CPNE8: variants seen among roughly 807,000 people sequenced by gnomAD.
CPNE8 encodes the protein copine-8.
A neutral mutation model predicts 81.5 loss-of-function variants in CPNE8; 45 were observed. The ratio of observed to expected loss-of-function variants is 0.55; its 90% confidence interval spans 0.44 to 0.71. The LOEUF is 0.71. CPNE8 is among the 30% of genes least tolerant of loss of function. The pLI, the probability that CPNE8 is intolerant of heterozygous loss-of-function variation, is 0.00. For missense variants in CPNE8, 594 were observed against 672.1 expected (o/e 0.88, Z 1.28); for synonymous variants, 252 against 226.3 (o/e 1.11, Z -1.02).
intron 1 of CPNE8, among the ~76,000 whole-genome samples, chr12:38,884,820 C>T (rs193273413): frequency 1.5e-3 from 232 of 152,152 alleles, no homozygotes; most frequent in South Asian, 3.9e-3. Flanking sequence ...AAAACGCTCT[C>T]GTGTTGATAA....
At chr12:38,709,984 A>C (rs541441607) in intron 13 of CPNE8, among the ~76,000 whole-genome samples, 2 of 152,270 alleles carry the variant, frequency 1.3e-5, no homozygotes, top group African/African-American at 4.8e-5. Context: ...AACAATAAAA[A>C]AAATAACTGG....
chr12:38,760,153 G>A (rs1304513025), intron 10 of CPNE8, among the ~76,000 whole-genome samples: 1 of 152,006 alleles, frequency 6.6e-6, no homozygotes, highest in Non-Finnish European at 1.5e-5. Context: ...CACATATTCA[G>A]CCCTTTCAGG....
At chr12:38,787,568 A>G (rs1219737613) in intron 6 of CPNE8, among the ~76,000 whole-genome samples, 2 of 151,726 alleles carry the variant, frequency 1.3e-5, no homozygotes, top group African/African-American at 4.8e-5. Context: ...CAAATCAAAC[A>G]CAAAATTAGT....
At chr12:38,785,988 A>C (rs917022023) in intron 6 of CPNE8, among the ~76,000 whole-genome samples, 8 of 152,156 alleles carry the variant, frequency 5.3e-5, no homozygotes, top group African/African-American at 1.9e-4. Context: ...TGGAAGAAGG[A>C]AGGAAAGAAA....
At chr12:38,690,868 T>C (rs2050022204) in intron 15 of CPNE8, among the ~76,000 whole-genome samples, 1 of 152,168 alleles carries the variant, frequency 6.6e-6, no homozygotes, top group African/African-American at 2.4e-5. Flanking sequence ...GTTTTATAAG[T>C]TTCTGGGAGA....
chr12:38,813,916 C>A (rs910317224), intron 6 of CPNE8, among the ~76,000 whole-genome samples: 4 of 152,072 alleles, frequency 2.6e-5, no homozygotes, highest in Non-Finnish European at 5.9e-5. Flanking sequence ...CACAGAGAGG[C>A]CAAATATGAT....
intron 10 of CPNE8, among the ~76,000 whole-genome samples, chr12:38,744,094 G>T (rs1411357545): frequency 2.0e-5 from 3 of 152,114 alleles, no homozygotes; most frequent in African/African-American, 7.2e-5. Flanking sequence ...GTGCTTTCAA[G>T]AAAAGATTCT....
intron 18 of CPNE8, among the ~76,000 whole-genome samples, chr12:38,673,875 A>G (rs576323751): frequency 6.6e-6 from 1 of 152,080 alleles, no homozygotes; most frequent in African/African-American, 2.4e-5. Context: ...CATGCTTAAT[A>G]GGCAAAACTC....
chr12:38,764,316 A>T (rs1474309357), intron 8 of CPNE8, among the ~76,000 whole-genome samples: 1 of 152,136 alleles, frequency 6.6e-6, no homozygotes, highest in Non-Finnish European at 1.5e-5. Flanking sequence ...GTACCAAAAA[A>T]TTTTTAAGAA....
chr12:38,871,193 C>T (rs114736803), intron 3 of CPNE8, among the ~76,000 whole-genome samples: 1 of 152,286 alleles, frequency 6.6e-6, no homozygotes, highest in African/African-American at 2.4e-5. Flanking sequence ...GAATTAACTC[C>T]CAGAACCCTG....
chr12:38,800,443 G>T, intron 6 of CPNE8, among the ~76,000 whole-genome samples: 1 of 41,682 alleles, frequency 2.4e-5, no homozygotes, highest in South Asian at 1.1e-3. Context: ...TGCAGCTGAG[G>T]GTCCTGTCTG....
chr12:38,736,980 A>G (rs576774591), intron 10 of CPNE8, among the ~76,000 whole-genome samples: 1 of 152,198 alleles, frequency 6.6e-6, no homozygotes, highest in African/African-American at 2.4e-5. Context: ...TAACTCACAT[A>G]CTTTGTCTCT....
At chr12:38,721,815 C>A (rs974549240) in intron 13 of CPNE8, among the ~76,000 whole-genome samples, 2 of 152,228 alleles carry the variant, frequency 1.3e-5, no homozygotes, top group Non-Finnish European at 2.9e-5. Flanking sequence ...CCGGTGCCAG[C>A]CAGGGAAGCT....
intron 18 of CPNE8, among the ~76,000 whole-genome samples, chr12:38,672,503 C>A (rs1206111042): frequency 6.6e-6 from 1 of 152,160 alleles, no homozygotes; most frequent in Non-Finnish European, 1.5e-5. Flanking sequence ...GAACCCCAGT[C>A]TCCCACCATT....
At chr12:38,768,491 T>C (rs956178569) in intron 7 of CPNE8, among the ~76,000 whole-genome samples, 8 of 152,122 alleles carry the variant, frequency 5.3e-5, no homozygotes, top group Non-Finnish European at 7.4e-5. Flanking sequence ...TAAATAGTTT[T>C]GTGGGGTTTT....
At chr12:38,681,946 C>T (rs1451239996) in intron 16 of CPNE8, among the ~76,000 whole-genome samples, 1 of 152,170 alleles carries the variant, frequency 6.6e-6, no homozygotes, top group African/African-American at 2.4e-5. Context: ...TTAGGCTGGG[C>T]CCAGTGGCTC....
intron 13 of CPNE8, among the ~76,000 whole-genome samples, chr12:38,703,784 T>G (rs1393994727): frequency 6.6e-6 from 1 of 152,146 alleles, no homozygotes; most frequent in Non-Finnish European, 1.5e-5. Context: ...ATCAGTAGCT[T>G]GTTTATATAC....
intron 7 of CPNE8, among the ~76,000 whole-genome samples, chr12:38,769,933 G>A (rs138434167): frequency 6.6e-6 from 1 of 152,188 alleles, no homozygotes; most frequent in East Asian, 1.9e-4. Context: ...AATTACTCAG[G>A]TTAACAACTT....
At chr12:38,686,237 G>T (rs529099499) in intron 15 of CPNE8, among the ~76,000 whole-genome samples, 1 of 152,194 alleles carries the variant, frequency 6.6e-6, no homozygotes, top group African/African-American at 2.4e-5. Context: ...ATATAATTTG[G>T]TGTGGGGAAT....
Sources: allele counts gnomAD v4.1 joint callset (sites outside exome capture counted in the v4.1 genomes callset), GRCh38; gene constraint gnomAD v4.1.1; transcripts MANE v1.5; gene names NCBI Gene and HGNC (gene_info 2026-07-23, HGNC 2026-07-21).